Variants in CRYBG1 observed in about 807,000 individuals in gnomAD.
CRYBG1 encodes beta/gamma crystallin domain-containing protein 1.
Under a neutral mutation model 189.2 loss-of-function variants are expected in CRYBG1, and 139 were observed. That is an observed-to-expected ratio of 0.73 (90% CI 0.64 to 0.85). The LOEUF (loss-of-function observed/expected upper bound fraction) is 0.85, where lower values mean the gene tolerates loss of function less well. Ranked by LOEUF, CRYBG1 falls within the 40% of genes least tolerant of loss-of-function variation. CRYBG1 has a pLI of 0.00. For missense variants in CRYBG1, 2,611 were observed against 2,675.8 expected, an observed-to-expected ratio of 0.98 and a Z score of 0.53; for synonymous variants, 1,023 against 1,017.1, an observed-to-expected ratio of 1.01 and a Z score of -0.11.
At chr6:106,549,809 T>A (rs1323875808) in intron 13 of CRYBG1, among the ~76,000 whole-genome samples, 1 of 152,154 alleles carries the variant, frequency 6.6e-6, no homozygotes. Flanking sequence ...TTGATGGCTG[T>A]TCATATTCTA....
intron 2 of CRYBG1, among the ~76,000 whole-genome samples, chr6:106,497,570 CATGTGTGCGTGTATGT>C (rs1772881175): frequency 6.6e-6 from 1 of 152,198 alleles, no homozygotes; most frequent in Non-Finnish European, 1.5e-5. Context: ...TGTGTGCACA[CATGTGTGCGTGTATGT>C]GATAGTCAAA....
chr6:106,382,327 T>C (rs941855836), intron 1 of CRYBG1, among the ~76,000 whole-genome samples: 6 of 152,260 alleles, frequency 3.9e-5, no homozygotes, highest in Non-Finnish European at 8.8e-5. Flanking sequence ...GTGGAAATTC[T>C]TCTTTTGATA....
chr6:106,531,850 C>A (rs912004424), intron 8 of CRYBG1, among the ~76,000 whole-genome samples: 2 of 152,112 alleles, frequency 1.3e-5, no homozygotes, highest in African/African-American at 4.8e-5. Context: ...CAACCTTCCT[C>A]TCCCAGAAGA....
rs1042507662 is a variant in CRYBG1 at position 106,570,994 on chromosome 6, T to C, written c.*2428T>C. 2.0e-5 allele frequency: 3 copies of C among 152,122 alleles called. No individual in the cohort carries two copies. Among genetic ancestry groups the C allele is most frequent in the Non-Finnish European group, 4.4e-5 (3 of 68,022 alleles). 9.4% of individuals were successfully genotyped at this position (152,122 alleles called of 1,614,324 possible). On this transcript the variant is annotated 3_prime_UTR_variant, in exon 22 of 22. Transcript: ENST00000633556. ...TGAATATTCGAAGTGCACACTGCAA[T>C]GGGTTGATTGGAGAGATATCTAAAT...
intron 1 of CRYBG1, among the ~76,000 whole-genome samples, chr6:106,424,192 G>A (rs145943129): frequency 2.0e-5 from 3 of 151,990 alleles, no homozygotes; most frequent in African/African-American, 4.8e-5. Flanking sequence ...TCCAAACTAC[G>A]TTTCTAGGAA....
intron 21 of CRYBG1, among the ~76,000 whole-genome samples, chr6:106,565,452 G>T (rs1774855025): frequency 6.6e-6 from 1 of 152,182 alleles, no homozygotes; most frequent in Non-Finnish European, 1.5e-5. Context: ...AGCAAAAGTG[G>T]CTGTCACTTC....
intron 2 of CRYBG1, among the ~76,000 whole-genome samples, chr6:106,489,404 G>A (rs151295068): frequency 6.6e-6 from 1 of 151,956 alleles, no homozygotes; most frequent in African/African-American, 2.4e-5. Context: ...ATTTGATTGT[G>A]TCACAAGACC....
chr6:106,401,997 C>T (rs1770728919), intron 1 of CRYBG1, among the ~76,000 whole-genome samples: 1 of 149,502 alleles, frequency 6.7e-6, no homozygotes, highest in Non-Finnish European at 1.5e-5. Flanking sequence ...TTCTTATACA[C>T]CAACAACAGA....
intron 8 of CRYBG1, among the ~76,000 whole-genome samples, chr6:106,531,334 T>A (rs751293611): frequency 2.0e-5 from 3 of 152,204 alleles, no homozygotes; most frequent in Non-Finnish European, 2.9e-5. Context: ...TAACAGGAAG[T>A]GTGGCTATTG....
chr6:106,375,560 G>A (rs1006031829), intron 1 of CRYBG1, among the ~76,000 whole-genome samples: 2 of 152,114 alleles, frequency 1.3e-5, no homozygotes, highest in African/African-American at 2.4e-5. Context: ...CTCATGAGTC[G>A]GATTCCAGGC....
chr6:106,519,025 T>C (rs1773515030), intron 3 of CRYBG1, 106 bp from the exon 4 acceptor site: 2 of 1,144,886 alleles, frequency 1.7e-6, no homozygotes, highest in South Asian at 3.1e-5. Context: ...CCAAATGTTA[T>C]ATATCAGGGA....
intron 1 of CRYBG1, among the ~76,000 whole-genome samples, chr6:106,382,953 T>C (rs1349860157): frequency 6.6e-6 from 1 of 152,218 alleles, no homozygotes; most frequent in Non-Finnish European, 1.5e-5. Flanking sequence ...ATCTGCTTAC[T>C]ACAAAATTAT....
At chr6:106,402,802 C>T (rs1407019823) in intron 1 of CRYBG1, among the ~76,000 whole-genome samples, 1 of 151,904 alleles carries the variant, frequency 6.6e-6, no homozygotes, top group East Asian at 1.9e-4. Context: ...TGATCTATGG[C>T]CTGAAGGAAT....
intron 1 of CRYBG1, among the ~76,000 whole-genome samples, chr6:106,413,903 T>TGA (rs1390301375): frequency 6.6e-6 from 1 of 152,178 alleles, no homozygotes; most frequent in Non-Finnish European, 1.5e-5. Context: ...TACAGGCTGT[T>TGA]TTAGGTTTTC....
intron 1 of CRYBG1, among the ~76,000 whole-genome samples, chr6:106,423,222 C>G (rs1275435958): frequency 7.4e-5 from 11 of 149,022 alleles, no homozygotes; most frequent in Admixed American, 7.4e-4. Flanking sequence ...AGAAACTTGC[C>G]TCATCAAAGT....
chr6:106,525,118 T>C lies in CRYBG1; in HGVS notation c.4246-15T>C, dbSNP rs748623205. 3.6e-5 allele frequency: 58 copies of C among 1,613,414 alleles called. No homozygotes were observed. Among genetic ancestry groups the C allele is most frequent in the Non-Finnish European group, 4.8e-5 (57 of 1,179,578 alleles). Reference sequence around the variant, plus strand: ...GTTGTAATTATTTGTTGTGTTTTTGTTCATCTGATTGCAGACACTTAGAGG... The same window carrying C: ...GTTGTAATTATTTGTTGTGTTTTTGCTCATCTGATTGCAGACACTTAGAGG... On this transcript the variant is annotated splice_polypyrimidine_tract_variant and intron_variant, in intron 4 of 21. Coordinates refer to ENST00000633556, the MANE Select transcript of CRYBG1 (RefSeq NM_001371242.2).
chr6:106,400,028 C>T (rs1055987656), intron 1 of CRYBG1, among the ~76,000 whole-genome samples: 3 of 149,556 alleles, frequency 2.0e-5, no homozygotes, highest in Non-Finnish European at 3.0e-5. Context: ...CCCAGCTACT[C>T]GGGAGGCTGA....
intron 2 of CRYBG1, among the ~76,000 whole-genome samples, chr6:106,453,169 G>A (rs575457158): frequency 6.6e-6 from 1 of 152,230 alleles, no homozygotes; most frequent in South Asian, 2.1e-4. Context: ...TAAGATGGTA[G>A]ATTTTGTTAT....
At chr6:106,364,046 C>T (rs558440833) in intron 1 of CRYBG1, among the ~76,000 whole-genome samples, 3 of 152,244 alleles carry the variant, frequency 2.0e-5, no homozygotes, top group East Asian at 3.9e-4. Flanking sequence ...CCAGTCCAGC[C>T]GGGTGCGGTC....
Sources: gnomAD v4.1 joint callset for allele counts (sites outside exome capture counted in the v4.1 genomes callset) on GRCh38, gnomAD v4.1.1 for gene constraint, MANE v1.5 for transcripts, NCBI Gene and HGNC (gene_info 2026-07-23, HGNC 2026-07-21) for gene names.